TTC28: variants seen among roughly 807,000 people sequenced by gnomAD.
TTC28 encodes tetratricopeptide repeat protein 28.
A neutral mutation model predicts 198.0 loss-of-function variants in TTC28; 61 were observed. The observed-to-expected ratio is 0.31, with a 90% CI of 0.25 to 0.38. The LOEUF is 0.38. TTC28 is among the 10% of genes least tolerant of loss of function. The probability of loss-of-function intolerance (pLI) is 1.00; values close to 1 mark genes in which losing one functional copy is unlikely to be tolerated. For missense variants in TTC28, 2,678 were observed against 3,164.0 expected, an observed-to-expected ratio of 0.85 and a Z score of 3.69; for synonymous variants, 1,171 against 1,297.8, an observed-to-expected ratio of 0.90 and a Z score of 2.10.
chr22:28,191,071 C>T (rs1357331829), intron 5 of TTC28, among the ~76,000 whole-genome samples: 1 of 152,152 alleles, frequency 6.6e-6, no homozygotes, highest in African/African-American at 2.4e-5. Context: ...AGTATCATCT[C>T]CCTCCTCAGA....
chr22:28,611,570 C>A (rs2050820432), intron 2 of TTC28, among the ~76,000 whole-genome samples: 1 of 145,138 alleles, frequency 6.9e-6, no homozygotes, highest in Non-Finnish European at 1.5e-5. Context: ...AGGTTAGTTA[C>A]ATATGTATAC....
At chr22:28,377,118 A>G (rs766773631) in intron 2 of TTC28, among the ~76,000 whole-genome samples, 10 of 151,616 alleles carry the variant, frequency 6.6e-5, no homozygotes, top group Admixed American at 1.3e-4. Context: ...CCCATGTAAT[A>G]CATAGGACTA....
chr22:28,064,595 A>C (rs1360841290), intron 12 of TTC28, among the ~76,000 whole-genome samples: 1 of 152,072 alleles, frequency 6.6e-6, no homozygotes, highest in Non-Finnish European at 1.5e-5. Flanking sequence ...AAAATATTTT[A>C]CTCCATAAAA....
intron 1 of TTC28, among the ~76,000 whole-genome samples, chr22:28,652,702 A>G (rs542721720): frequency 6.6e-6 from 1 of 152,352 alleles, no homozygotes; most frequent in East Asian, 1.9e-4. Context: ...GGCTGAAACA[A>G]CAAATATTTC....
chr22:28,650,377 AAATCTCTTAG>A (rs2051545946), intron 1 of TTC28, among the ~76,000 whole-genome samples: 1 of 152,216 alleles, frequency 6.6e-6, no homozygotes, highest in Non-Finnish European at 1.5e-5. Context: ...TGAAAGGTGC[AAATCTCTTAG>A]AATTGGATAA....
intron 12 of TTC28, among the ~76,000 whole-genome samples, chr22:28,036,404 G>A (rs1939347916): frequency 6.6e-6 from 1 of 152,162 alleles, no homozygotes; most frequent in Admixed American, 6.5e-5. Context: ...TGAACAACCT[G>A]CTCCTGAATG....
At chr22:28,186,662 A>G (rs2147116503) in intron 5 of TTC28, among the ~76,000 whole-genome samples, 2 of 152,318 alleles carry the variant, frequency 1.3e-5, no homozygotes, top group Middle Eastern at 6.8e-3. Context: ...GGTATTAAAT[A>G]GAGACTGCTG....
intron 2 of TTC28, among the ~76,000 whole-genome samples, chr22:28,515,400 TA>T (rs146011287): frequency 9.3e-4 from 142 of 152,298 alleles, no homozygotes; most frequent in African/African-American, 3.2e-3. Flanking sequence ...CACATCAAAT[TA>T]TTTTTTTTCC....
intron 13 of TTC28, among the ~76,000 whole-genome samples, chr22:28,024,636 G>A (rs888028869): frequency 2.0e-5 from 3 of 152,228 alleles, no homozygotes; most frequent in Admixed American, 2.0e-4. Flanking sequence ...GTCACATCCA[G>A]TGAGGGGCAG....
chr22:28,214,659 T>C (rs1379329131), intron 5 of TTC28, among the ~76,000 whole-genome samples: 1 of 152,108 alleles, frequency 6.6e-6, no homozygotes, highest in African/African-American at 2.4e-5. Context: ...TGTGGAGAAA[T>C]AGGAACACTT....
chr22:28,489,889 T>C (rs898074948), intron 2 of TTC28, among the ~76,000 whole-genome samples: 1 of 152,192 alleles, frequency 6.6e-6, no homozygotes, highest in Admixed American at 6.5e-5. Flanking sequence ...TTATTAAGTA[T>C]TAACTCACTT....
At chr22:27,993,646 G>T in intron 17 of TTC28, 128 bp from the exon 18 acceptor site, 1 of 918,344 alleles carries the variant, frequency 1.1e-6, no homozygotes, top group Non-Finnish European at 1.6e-6. Flanking sequence ...AGCCCACGTG[G>T]CCAGGCCTGA....
chr22:28,657,654 A>C (rs2145688917), intron 1 of TTC28, among the ~76,000 whole-genome samples: 1 of 152,332 alleles, frequency 6.6e-6, no homozygotes, highest in South Asian at 2.1e-4. Flanking sequence ...CAAGGTGGGC[A>C]AATCACTTGA....
intron 2 of TTC28, among the ~76,000 whole-genome samples, chr22:28,402,019 C>A (rs1038880606): frequency 3.9e-5 from 6 of 152,184 alleles, no homozygotes; most frequent in African/African-American, 1.4e-4. Context: ...TACCCTTGGT[C>A]CAAATTTAAA....
At chr22:28,568,130 A>T (rs2050008792) in intron 2 of TTC28, among the ~76,000 whole-genome samples, 1 of 152,332 alleles carries the variant, frequency 6.6e-6, no homozygotes, top group African/African-American at 2.4e-5. Context: ...AGTAATACTA[A>T]TATAAACAAT....
chr22:27,985,354 A>C lies in TTC28; in HGVS notation c.5710T>G (p.Phe1904Val). The part of the protein sequence containing the change: ...GCHEFLAALG[F>V]DLCEVGQEEV... ...TCCTGACCAACTTCACAGAGATCAA[A>C]ACCTAGAGGAACAAAGAATATAAGC... is the stretch of plus-strand genomic sequence containing the variant. The change falls in exon 22 of 23, where the codon TTT becomes GTT. Residue 1904 changes from phenylalanine to valine, a missense_variant and splice_region_variant. Around this residue, in one of 8 missense-constraint regions of TTC28, gnomAD observed 314 missense variants for 442.7 expected, o/e 0.71. Coordinates refer to ENST00000397906, the MANE Select transcript of TTC28 (RefSeq NM_001145418.2). 6.5e-7 allele frequency: 1 copy of C among 1,549,524 alleles called. No individual in the cohort carries two copies. The highest frequency in any genetic ancestry group is 8.7e-7 in the Non-Finnish European group (1 of 1,145,316).
intron 5 of TTC28, among the ~76,000 whole-genome samples, chr22:28,280,466 G>A (rs546416315): frequency 6.6e-6 from 1 of 152,116 alleles, no homozygotes; most frequent in Admixed American, 6.5e-5. Context: ...AGCCTCCCAA[G>A]TAGCTGGGGT....
chr22:28,671,806 A>C (rs1253257051), intron 1 of TTC28, among the ~76,000 whole-genome samples: 1 of 149,048 alleles, frequency 6.7e-6, no homozygotes, highest in East Asian at 2.1e-4. Flanking sequence ...CACCCAAGTA[A>C]CTGGGATTAC....
chr22:28,202,320 TGA>T (rs1926033204), intron 5 of TTC28, among the ~76,000 whole-genome samples: 2 of 152,056 alleles, frequency 1.3e-5, no homozygotes, highest in Non-Finnish European at 2.9e-5. Context: ...GAGGATTACT[TGA>T]GGTCAGGAGT....
Sources: allele counts gnomAD v4.1 joint callset (sites outside exome capture counted in the v4.1 genomes callset), GRCh38; gene constraint gnomAD v4.1.1; regional missense constraint gnomAD v4.1.1; transcripts MANE v1.5; gene names NCBI Gene and HGNC (gene_info 2026-07-23, HGNC 2026-07-21).